The following WFS1 variants were observed in gnomAD, a reference collection of about 807,000 sequenced individuals.
WFS1 encodes wolframin.
A neutral mutation model predicts 68.5 loss-of-function variants in WFS1; 90 were observed. The observed-to-expected ratio is 1.31, with a 90% CI of 1.11 to 1.56. WFS1 has a LOEUF of 1.56. WFS1 is among the 40% of genes most tolerant of loss of function. The pLI is 0.00. For synonymous variants in WFS1, 860 were observed against 540.7 expected (o/e 1.59, Z -8.19); for missense variants, 1,767 against 1,232.6 (o/e 1.43, Z -6.49).
chr4:6,299,089 C>T (rs1730745396), intron 7 of WFS1, among the ~76,000 whole-genome samples: 1 of 152,250 alleles, frequency 6.6e-6, no homozygotes, highest in African/African-American at 2.4e-5. Flanking sequence ...CCACGCCATG[C>T]TGTGTGAGCA....
chr4:6,302,742 A>C lies in WFS1; in HGVS notation c.*274A>C. 1.8e-6 allele frequency: 1 copy of C among 567,170 alleles called. No homozygotes were observed. Among genetic ancestry groups the C allele is most frequent in the Non-Finnish European group, 3.1e-6 (1 of 322,090 alleles). The allele number at this position is 567,170 out of a possible 1,614,324, so 35.1% of individuals were successfully genotyped here. ...CTGAGTGACATGGGTGTGCCAGGCT[A>C]GACTAGGAGGTTCCGGTGTCTGGAA... On this transcript the variant is annotated 3_prime_UTR_variant, in exon 8 of 8. Coordinates refer to ENST00000226760, the MANE Select transcript of WFS1 (RefSeq NM_006005.3).
rs1174480205 is a variant in WFS1 at position 6,287,029 on chromosome 4, T to TC, written c.233-62dup. ...CTGAAGACCCTCATGCCTTGTCCCC[T>TC]CCATCCTGACAAGTGACAAAGTCTG... is the stretch of plus-strand genomic sequence containing the variant. On this transcript the variant is annotated intron_variant, in intron 2 of 7. Coordinates refer to ENST00000226760, the MANE Select transcript of WFS1 (RefSeq NM_006005.3). The surrounding 1 kb of genome is among the most constrained non-coding windows in gnomAD (Gnocchi z 6.4). 3 of 1,446,044 alleles carry TC rather than the reference T, an allele frequency of 2.1e-6. No homozygotes were observed. Among genetic ancestry groups the TC allele is most frequent in the Non-Finnish European group, 1.9e-6 (2 of 1,051,256 alleles). The allele number at this position is 1,446,044 out of a possible 1,614,324, so 89.6% of individuals were successfully genotyped here.
chr4:6,289,227 G>T, intron 4 of WFS1, 96 bp downstream of exon 4: 2 of 1,439,066 alleles, frequency 1.4e-6, no homozygotes, highest in South Asian at 1.3e-5. Flanking sequence ...CAAACCTAAC[G>T]CTGGTGATGC....
intron 7 of WFS1, 150 bp downstream of exon 7, chr4:6,295,339 C>A: frequency 1.1e-6 from 1 of 929,642 alleles, no homozygotes; most frequent in Non-Finnish European, 1.7e-6. Context: ...TTTGGGTCAT[C>A]ATCTATCGTC....
intron 7 of WFS1, among the ~76,000 whole-genome samples, chr4:6,299,858 CGTGT>C (rs1241238507): frequency 1.3e-5 from 1 of 76,374 alleles, no homozygotes; most frequent in African/African-American, 5.4e-5. Context: ...TGTGTGAATG[CGTGT>C]GTGTAGGGGT....
At chr4:6,285,815 A>C (rs1318735622) in intron 2 of WFS1, among the ~76,000 whole-genome samples, 4 of 152,242 alleles carry the variant, frequency 2.6e-5, no homozygotes, top group South Asian at 4.1e-4. Context: ...GCTGGTCCTC[A>C]GTGTGGTGTT....
chr4:6,295,777 C>T (rs1395241479), intron 7 of WFS1, among the ~76,000 whole-genome samples: 4 of 152,180 alleles, frequency 2.6e-5, no homozygotes, highest in Admixed American at 6.5e-5. Context: ...GAGCGGGGAG[C>T]GGGAAGCCCA....
chr4:6,284,156 G>T (rs1730241014), intron 2 of WFS1, among the ~76,000 whole-genome samples: 1 of 152,066 alleles, frequency 6.6e-6, no homozygotes, highest in African/African-American at 2.4e-5. Flanking sequence ...GATCACCTGA[G>T]GTCAGGGGTT....
rs1275734549 is a variant in WFS1, at chr4:6,301,152, C to G, written c.1357C>G (p.Pro453Ala). The G allele has an allele frequency of 6.2e-7, 1 of 1,613,020 alleles. No individual in the cohort carries two copies. Among genetic ancestry groups the G allele is most frequent in the Non-Finnish European group, 8.5e-7 (1 of 1,179,998 alleles). ...CCTGAGCCTGAGCACCCATGCAGAG[C>G]CCTACACGCGCAGGGCCCTGGCCAC... is the stretch of plus-strand genomic sequence containing the variant. ...SYLSLSTHAE[P>A]YTRRALATEV... The change falls in exon 8 of 8, where the codon CCC (proline) becomes GCC (alanine). Residue 453 changes from proline to alanine, a missense_variant. By Grantham distance (27) the Pro-to-Ala change is conservative (BLOSUM62 -1). Coordinates refer to ENST00000226760, the MANE Select transcript of WFS1 (RefSeq NM_006005.3).
At chr4:6,292,325 G>A (rs553488051) in intron 6 of WFS1, among the ~76,000 whole-genome samples, 56 of 150,502 alleles carry the variant, frequency 3.7e-4, no homozygotes, top group Non-Finnish European at 5.5e-4. Context: ...GGGGACTGGC[G>A]GGGGGGTCCT....
In WFS1 at chr4:6,301,088, G is replaced by T; in HGVS notation, c.1293G>T (p.Glu431Asp). The change falls in exon 8 of 8, where the codon GAG becomes GAT. Residue 431 changes from glutamate to aspartate, a missense_variant. Coordinates refer to ENST00000226760, the MANE Select transcript of WFS1 (RefSeq NM_006005.3). The part of the protein sequence containing the change: ...IASKDCIPCS[E>D]LAVITGFFTV... Reference sequence around the variant, plus strand: ...GCAAGGACTGCATCCCCTGCTCGGAGCTGGCTGTCATCACCGGCTTCTTTA... The same window carrying T: ...GCAAGGACTGCATCCCCTGCTCGGATCTGGCTGTCATCACCGGCTTCTTTA... 1 of 1,614,008 alleles carries T rather than the reference G, an allele frequency of 6.2e-7. No individual in the cohort carries two copies.
chr4:6,291,408 C>T, intron 5 of WFS1, 41 bp downstream of exon 5: 1 of 1,605,112 alleles, frequency 6.2e-7, no homozygotes, highest in Non-Finnish European at 8.5e-7. Context: ...CCCTGGGCGC[C>T]AGCCTTCCCA....
Position 6,301,596 on chromosome 4 carries a change from G to T in WFS1, c.1801G>T (p.Val601Leu), listed in dbSNP as rs147838635. The T allele has an allele frequency of 1.1e-5, 18 of 1,614,168 alleles. No homozygotes were observed. Among genetic ancestry groups the T allele is most frequent in the Non-Finnish European group, 1.4e-5 (17 of 1,180,026 alleles). The change falls in exon 8 of 8, where the codon GTG becomes TTG. Residue 601 changes from valine to leucine, a missense_variant. Coordinates refer to ENST00000226760, the MANE Select transcript of WFS1 (RefSeq NM_006005.3). The part of the protein sequence containing the change: ...SLELTKIAVT[V>L]AVCSVPLLLR... Reference sequence around the variant, plus strand: ...GGAGCTCACCAAGATCGCAGTCACCGTGGCGGTCTGTAGTGTGCCCCTGCT... The same window carrying T: ...GGAGCTCACCAAGATCGCAGTCACCTTGGCGGTCTGTAGTGTGCCCCTGCT...
At chr4:6,294,926 C>G in intron 6 of WFS1, 115 bp from the exon 7 acceptor site, 1 of 1,568,650 alleles carries the variant, frequency 6.4e-7, no homozygotes, top group South Asian at 1.1e-5. Flanking sequence ...CCTGAACCCA[C>G]TCAGCTCCTT....
At chr4:6,299,943 T>G (rs995254475) in intron 7 of WFS1, among the ~76,000 whole-genome samples, 11 of 149,916 alleles carry the variant, frequency 7.3e-5, no homozygotes, top group African/African-American at 2.4e-4. Flanking sequence ...AATGCGTGTG[T>G]GTAGGGGTGG....
Position 6,302,461 on chromosome 4 carries a change from C to T in WFS1, c.2666C>T (p.Ala889Val), listed in dbSNP as rs147934586. ...FDFFFFPFLS[A>V]A The stretch of plus-strand genomic sequence containing the variant: ...TTCTTTTTCTTCCCATTCCTGTCGG[C>T]GGCCTGAGGATGGTCCGCCACGAGG... Residue 889 changes from alanine (A) to valine (V), a missense_variant, in exon 8 of 8, where the codon GCG becomes GTG. Ala to Val is a moderately conservative substitution (Grantham distance 64). Transcript: ENST00000226760. 6.1e-5 allele frequency: 99 copies of T among 1,612,580 alleles called. No homozygotes were observed. The highest frequency in any genetic ancestry group is 7.4e-5 in the Non-Finnish European group (87 of 1,180,038).
intron 1 of WFS1, among the ~76,000 whole-genome samples, chr4:6,270,342 C>A (rs958165920): frequency 2.7e-5 from 4 of 150,772 alleles, no homozygotes; most frequent in African/African-American, 9.7e-5. Flanking sequence ...GGCCCCCTCC[C>A]CGCGCCCCGC....
At chr4:6,277,289 G>T (rs575451022) in intron 1 of WFS1, among the ~76,000 whole-genome samples, 162 bp from the exon 2 acceptor site, 1 of 152,248 alleles carries the variant, frequency 6.6e-6, no homozygotes, top group African/African-American at 2.4e-5. Context: ...CCCTGGAAGC[G>T]GTGCTGGCCC....
At chr4:6,298,997 G>C (rs1381968005) in intron 7 of WFS1, among the ~76,000 whole-genome samples, 1 of 152,224 alleles carries the variant, frequency 6.6e-6, no homozygotes, top group Non-Finnish European at 1.5e-5. Context: ...CCCCCATGTG[G>C]GGCCGCCCCC....
Sources: allele counts gnomAD v4.1 joint callset (sites outside exome capture counted in the v4.1 genomes callset), GRCh38; gene constraint gnomAD v4.1.1; non-coding constraint Gnocchi (gnomAD v3.1); transcripts MANE v1.5; gene names NCBI Gene and HGNC (gene_info 2026-07-23, HGNC 2026-07-21).